ARHGAP6: variants seen among roughly 807,000 people sequenced by gnomAD.
The protein encoded by ARHGAP6 is rho GTPase-activating protein 6.
A neutral mutation model predicts 55.7 loss-of-function variants in ARHGAP6; 16 were observed. The ratio of observed to expected loss-of-function variants is 0.29; its 90% confidence interval spans 0.19 to 0.44. ARHGAP6 has a LOEUF of 0.44. Ranked by LOEUF, ARHGAP6 falls within the 20% of genes least tolerant of loss-of-function variation. The probability of loss-of-function intolerance (pLI) is 1.00; values close to 1 mark genes in which losing one functional copy is unlikely to be tolerated. For missense variants in ARHGAP6, 698 were observed against 808.9 expected (o/e 0.86, Z 1.66); for synonymous variants, 382 against 360.9 (o/e 1.06, Z -0.66).
intron 1 of ARHGAP6, among the ~76,000 whole-genome samples, chrX:11,291,697 T>C (rs2047996824): frequency 9.0e-6 from 1 of 111,659 alleles, no homozygotes; most frequent in Non-Finnish European, 1.9e-5. Flanking sequence ...TCCAACTTCC[T>C]TCAAAGGGAA....
At chrX:11,645,410 T>C (rs2052516701) in intron 1 of ARHGAP6, among the ~76,000 whole-genome samples, 3 of 111,544 alleles carry the variant, frequency 2.7e-5, no homozygotes, top group Non-Finnish European at 5.7e-5. Flanking sequence ...CGTTACTTCA[T>C]TTCTAAAAAA....
intron 4 of ARHGAP6, among the ~76,000 whole-genome samples, chrX:11,187,628 C>G (rs983818542): frequency 8.9e-6 from 1 of 111,788 alleles, no homozygotes; most frequent in African/African-American, 3.3e-5. Flanking sequence ...CTTGGACAAG[C>G]CCTAAATGTT....
intron 1 of ARHGAP6, among the ~76,000 whole-genome samples, chrX:11,574,527 C>T (rs1179595284): frequency 1.8e-5 from 2 of 108,951 alleles, no homozygotes; most frequent in Non-Finnish European, 3.8e-5. Flanking sequence ...ATTCAACAGC[C>T]CTTCATGCTA....
intron 1 of ARHGAP6, among the ~76,000 whole-genome samples, chrX:11,341,925 A>G (rs977294338): frequency 1.8e-5 from 2 of 111,339 alleles, no homozygotes; most frequent in African/African-American, 6.6e-5. Context: ...TAAGCACATG[A>G]CATACGAATT....
rs758764234 is a variant in ARHGAP6 at position 11,273,127 on chromosome X, CTT to C, written c.589-18422_589-18421del. Among the ~76,000 whole-genome samples, 6 of 108,605 alleles carry C rather than the reference CTT, an allele frequency of 5.5e-5. No individual in the cohort carries two copies. The East Asian group carries it at 1.4e-3, about 26-fold the overall frequency. 94.3% of individuals were successfully genotyped at this position (108,605 alleles called of 115,157 possible). ...CCTACACCCCTCCCCAAACCTCACC[CTT>C]TTTTTTTGGTAAATAAAGCAAATAG... is the stretch of plus-strand genomic sequence containing the variant. On this transcript the variant is annotated intron_variant, in intron 1 of 12. Coordinates refer to ENST00000337414, the MANE Select transcript of ARHGAP6 (RefSeq NM_013427.3).
chrX:11,166,575 A>G (rs1379918368), intron 9 of ARHGAP6, among the ~76,000 whole-genome samples: 1 of 112,229 alleles, frequency 8.9e-6, no homozygotes, highest in Non-Finnish European at 1.9e-5. Context: ...ACCCATGCAG[A>G]TCAGCTTTGC....
chrX:11,364,644 A>G (rs2049053014), intron 1 of ARHGAP6, among the ~76,000 whole-genome samples: 1 of 112,102 alleles, frequency 8.9e-6, no homozygotes, highest in South Asian at 3.7e-4. Context: ...AGGGAAATGC[A>G]TATCAGATTA....
intron 1 of ARHGAP6, among the ~76,000 whole-genome samples, chrX:11,296,591 C>T (rs779277633): frequency 8.0e-5 from 9 of 112,131 alleles, no homozygotes; most frequent in African/African-American, 2.9e-4. Context: ...CTCTTCTATA[C>T]AGCACATTTG....
chrX:11,402,609 T>G (rs1256197265), intron 1 of ARHGAP6, among the ~76,000 whole-genome samples: 1 of 111,855 alleles, frequency 8.9e-6, no homozygotes, highest in Non-Finnish European at 1.9e-5. Context: ...CAAGGCATGC[T>G]TGCAATTTAA....
chrX:11,265,246 A>T (rs2047608837), intron 1 of ARHGAP6, among the ~76,000 whole-genome samples: 1 of 112,297 alleles, frequency 8.9e-6, no homozygotes, highest in Non-Finnish European at 1.9e-5. Context: ...CAGCACAAGC[A>T]CATCCGATGT....
intron 1 of ARHGAP6, among the ~76,000 whole-genome samples, chrX:11,610,161 T>C (rs1397676310): frequency 9.0e-6 from 1 of 110,749 alleles, no homozygotes; most frequent in East Asian, 2.8e-4. Context: ...AAATATGCTG[T>C]ATGACCAGAT....
At chrX:11,660,352 G>C (rs749875000) in intron 1 of ARHGAP6, among the ~76,000 whole-genome samples, 1 of 108,075 alleles carries the variant, frequency 9.3e-6, no homozygotes, top group Non-Finnish European at 1.9e-5. Flanking sequence ...CTTGAGGCCA[G>C]GAGTTCAAGA....
Position 11,665,177 on chromosome X carries a change from T to G in ARHGAP6, c.-349A>C. 5.6e-6 allele frequency: 1 copy of G among 178,923 alleles called. No individual in the cohort carries two copies. Among genetic ancestry groups the G allele is most frequent in the Non-Finnish European group, 1.0e-5 (1 of 96,155 alleles). The allele number at this position is 178,923 out of a possible 1,213,427, so 14.7% of individuals were successfully genotyped here. ...CCCAGCTCCAGCCTGCCAGCGCCAC[T>G]CCCCCTTCCTAGCTGAGGCGGGAGA... On this transcript the variant is annotated 5_prime_UTR_variant, in exon 1 of 13. Transcript: ENST00000337414.
intron 1 of ARHGAP6, among the ~76,000 whole-genome samples, chrX:11,484,280 G>A (rs768957998): frequency 9.1e-6 from 1 of 109,643 alleles, no homozygotes; most frequent in African/African-American, 3.3e-5. Context: ...AAAGAGAGGA[G>A]GGCAGGGGAG....
chrX:11,572,360 A>C (rs914222607), intron 1 of ARHGAP6, among the ~76,000 whole-genome samples: 4 of 107,763 alleles, frequency 3.7e-5, no homozygotes, highest in African/African-American at 1.0e-4. Context: ...CACAACAGTC[A>C]TCAGAGTGTG....
At chrX:11,352,889 T>A (rs1185237443) in intron 1 of ARHGAP6, among the ~76,000 whole-genome samples, 1 of 111,959 alleles carries the variant, frequency 8.9e-6, no homozygotes, top group Non-Finnish European at 1.9e-5. Context: ...GATGTATACA[T>A]ACTATGTATA....
intron 2 of ARHGAP6, among the ~76,000 whole-genome samples, chrX:11,215,417 C>T (rs973372475): frequency 1.8e-5 from 2 of 112,375 alleles, no homozygotes; most frequent in Non-Finnish European, 3.8e-5. Flanking sequence ...GCGAGCTCTG[C>T]GGCCAGCCCC....
intron 8 of ARHGAP6, among the ~76,000 whole-genome samples, chrX:11,173,017 T>C (rs2046116284): frequency 8.9e-6 from 1 of 112,014 alleles, no homozygotes; most frequent in Non-Finnish European, 1.9e-5. Context: ...TCTTTCTCAC[T>C]ATAAGCTTAA....
chrX:11,202,848 T>A (rs1217678305), intron 2 of ARHGAP6, among the ~76,000 whole-genome samples: 2 of 98,079 alleles, frequency 2.0e-5, no homozygotes, highest in African/African-American at 7.7e-5. Flanking sequence ...TGAGTAAATG[T>A]GTGAACATAT....
Sources: allele counts gnomAD v4.1 joint callset (sites outside exome capture counted in the v4.1 genomes callset), GRCh38; gene constraint gnomAD v4.1.1; transcripts MANE v1.5; gene names NCBI Gene and HGNC (gene_info 2026-07-23, HGNC 2026-07-21).